The following SAMD4A variants were observed in gnomAD, a reference collection of about 807,000 sequenced individuals.
SAMD4A encodes sterile alpha motif domain containing 4A, also known as protein Smaug homolog 1.
Under a neutral mutation model 81.3 loss-of-function variants are expected in SAMD4A, and 33 were observed. The observed-to-expected ratio is 0.41, with a 90% CI of 0.31 to 0.54. SAMD4A has a LOEUF of 0.54. SAMD4A is among the 20% of genes least tolerant of loss of function. The pLI is 0.37. For synonymous variants in SAMD4A, 389 were observed against 382.1 expected (o/e 1.02, Z -0.21); for missense variants, 854 against 951.1 (o/e 0.90, Z 1.34).
intron 3 of SAMD4A, among the ~76,000 whole-genome samples, chr14:54,717,861 G>A (rs921601259): frequency 6.7e-6 from 1 of 148,580 alleles, no homozygotes; most frequent in African/African-American, 2.5e-5. Flanking sequence ...GAGATGTCTT[G>A]CAAGCAAATA....
intron 2 of SAMD4A, among the ~76,000 whole-genome samples, chr14:54,634,260 C>T (rs2004470): frequency 0.63 from 85,731 of 136,986 alleles, 26,522 homozygotes; most frequent in East Asian, 0.88. Flanking sequence ...CACTCCAGCC[C>T]GGGCGACAGA....
At position 54,621,466 on chromosome 14, in the gene SAMD4A, C is replaced by T. The variant is rs143681498; in HGVS notation, c.196+53354C>T. Among the ~76,000 whole-genome samples, 55 of 152,262 alleles carry T rather than the reference C, an allele frequency of 3.6e-4. No individual in the cohort carries two copies. In the East Asian group the frequency reaches 8.9e-3, roughly 25 times the overall value. ...CTAGGCTGAAGTGATTCTCCCACCT[C>T]AGCTTCCTGCGTAGCTGGGACTATA... is the stretch of plus-strand genomic sequence containing the variant. On this transcript the variant is annotated intron_variant, in intron 2 of 12. Coordinates refer to ENST00000554335, the MANE Select transcript of SAMD4A (RefSeq NM_015589.6).
chr14:54,596,963 C>G (rs1454525439), intron 2 of SAMD4A, among the ~76,000 whole-genome samples: 1 of 152,128 alleles, frequency 6.6e-6, no homozygotes, highest in Non-Finnish European at 1.5e-5. Context: ...GTAGCCAGAC[C>G]TCTAAATCAG....
chr14:54,592,681 G>A (rs548144256), intron 2 of SAMD4A, among the ~76,000 whole-genome samples: 4 of 152,194 alleles, frequency 2.6e-5, no homozygotes, highest in Admixed American at 6.5e-5. Context: ...GGATGGTCTC[G>A]ATCTCCTGAC....
At chr14:54,630,884 C>T (rs2034880703) in intron 2 of SAMD4A, among the ~76,000 whole-genome samples, 1 of 150,754 alleles carries the variant, frequency 6.6e-6, no homozygotes, top group African/African-American at 2.4e-5. Context: ...ATTTATTACA[C>T]ATATAATAAA....
intron 6 of SAMD4A, among the ~76,000 whole-genome samples, chr14:54,756,019 A>G (rs2139840080): frequency 6.6e-6 from 1 of 152,232 alleles, no homozygotes; most frequent in Non-Finnish European, 1.5e-5. Flanking sequence ...CTTTTCTTCA[A>G]ACACATCCAG....
intron 3 of SAMD4A, among the ~76,000 whole-genome samples, chr14:54,705,712 G>A (rs2036834605): frequency 6.6e-6 from 1 of 152,096 alleles, no homozygotes; most frequent in South Asian, 2.1e-4. Context: ...CAACTACCCC[G>A]CAAATGCTTC....
At chr14:54,621,370 G>C (rs55742724) in intron 2 of SAMD4A, among the ~76,000 whole-genome samples, 18,555 of 151,794 alleles carry the variant, frequency 0.12, 1,295 homozygotes, top group Middle Eastern at 0.21. Context: ...TGTGTTTTGA[G>C]ACAGGGTCTC....
chr14:54,737,521 C>A, intron 4 of SAMD4A, among the ~76,000 whole-genome samples: 1 of 145,348 alleles, frequency 6.9e-6, no homozygotes, highest in South Asian at 2.2e-4. Flanking sequence ...TAAGAGAGGT[C>A]AACCCACTCT....
intron 2 of SAMD4A, among the ~76,000 whole-genome samples, chr14:54,607,756 A>C (rs1417807278): frequency 6.6e-6 from 1 of 152,076 alleles, no homozygotes; most frequent in African/African-American, 2.4e-5. Flanking sequence ...GCCCGGCCTC[A>C]AGGTCTTATT....
intron 2 of SAMD4A, among the ~76,000 whole-genome samples, chr14:54,569,416 C>G (rs549302968): frequency 6.6e-6 from 1 of 152,146 alleles, no homozygotes; most frequent in Non-Finnish European, 1.5e-5. Context: ...TTTTCCTGAC[C>G]AGACAGGACT....
chr14:54,609,026 A>G (rs2034289591), intron 2 of SAMD4A, among the ~76,000 whole-genome samples: 1 of 152,260 alleles, frequency 6.6e-6, no homozygotes, highest in African/African-American at 2.4e-5. Context: ...ATTCCTGGTA[A>G]CTAACAGCCT....
intron 9 of SAMD4A, among the ~76,000 whole-genome samples, chr14:54,771,747 A>G (rs1272179610): frequency 6.6e-6 from 1 of 152,174 alleles, no homozygotes; most frequent in African/African-American, 2.4e-5. Flanking sequence ...TTGGGAGACA[A>G]GTTCCAAGAG....
intron 2 of SAMD4A, among the ~76,000 whole-genome samples, chr14:54,668,361 G>T (rs2035799180): frequency 1.3e-5 from 2 of 152,174 alleles, no homozygotes; most frequent in African/African-American, 4.8e-5. Context: ...GGAGTTTAGG[G>T]GGTACTTATC....
rs200844991 is a variant in SAMD4A at position 54,637,387 on chromosome 14, AG to A, written c.197-64674del. Among the ~76,000 whole-genome samples the A allele has an allele frequency of 2.9e-4, 43 of 145,800 alleles. 2 individuals are homozygous for A. The highest frequency in any genetic ancestry group is 4.5e-4 in the African/African-American group (18 of 40,322). Reference sequence around the variant, plus strand: ...TCTCAAAAAAAAAAAAAAAAAAAAAAGAGGCAAGAAGAAGAGTAGGAATTAG... The same window carrying A: ...TCTCAAAAAAAAAAAAAAAAAAAAAAAGGCAAGAAGAAGAGTAGGAATTAG... On this transcript the variant is annotated intron_variant, in intron 2 of 12. Coordinates refer to ENST00000554335, the MANE Select transcript of SAMD4A (RefSeq NM_015589.6).
chr14:54,571,025 A>T (rs2140107612), intron 2 of SAMD4A, among the ~76,000 whole-genome samples: 1 of 74,004 alleles, frequency 1.4e-5, no homozygotes, highest in East Asian at 2.3e-4. Context: ...ACTCGATCTC[A>T]GTATAATAAA....
chr14:54,649,279 A>T (rs2035353230), intron 2 of SAMD4A, among the ~76,000 whole-genome samples: 1 of 152,202 alleles, frequency 6.6e-6, no homozygotes, highest in African/African-American at 2.4e-5. Context: ...GAGCCAGAAG[A>T]GGAAGAGAAG....
At chr14:54,663,007 G>A (rs780101825) in intron 2 of SAMD4A, among the ~76,000 whole-genome samples, 3 of 152,146 alleles carry the variant, frequency 2.0e-5, no homozygotes, top group Non-Finnish European at 4.4e-5. Flanking sequence ...AGACCACAGG[G>A]GTCCAAGTTA....
intron 2 of SAMD4A, among the ~76,000 whole-genome samples, chr14:54,590,310 G>A (rs1296513321): frequency 1.3e-5 from 2 of 152,036 alleles, no homozygotes; most frequent in Non-Finnish European, 2.9e-5. Flanking sequence ...GCAAAATCGT[G>A]AGACTTCATC....
Sources: gnomAD v4.1 joint callset for allele counts (sites outside exome capture counted in the v4.1 genomes callset) on GRCh38, gnomAD v4.1.1 for gene constraint, MANE v1.5 for transcripts, NCBI Gene and HGNC (gene_info 2026-07-23, HGNC 2026-07-21) for gene names.